Variants in ARHGEF37 observed in about 807,000 individuals in gnomAD.
ARHGEF37 encodes the protein Rho guanine nucleotide exchange factor (GEF) 37.
In ARHGEF37, 55 loss-of-function variants were observed where a neutral mutation model predicts 71.1. That is an observed-to-expected ratio of 0.77 (90% CI 0.62 to 0.97). The LOEUF (loss-of-function observed/expected upper bound fraction) is 0.97. ARHGEF37 is among the 50% of genes least tolerant of loss of function. The pLI is 0.00. For synonymous variants in ARHGEF37, 327 were observed against 350.6 expected (o/e 0.93, Z 0.75); for missense variants, 765 against 836.8 (o/e 0.91, Z 1.06).
At chr5:149,629,041 CAA>C in intron 12 of ARHGEF37, 75 bp downstream of exon 12, 1 of 1,504,492 alleles carries the variant, frequency 6.6e-7, no homozygotes, top group Non-Finnish European at 8.9e-7. Context: ...CCTTCTCTCT[CAA>C]AGTCTATGCC....
At chr5:149,570,274 T>C (rs1762946511) in intron 1 of ARHGEF37, among the ~76,000 whole-genome samples, 1 of 152,124 alleles carries the variant, frequency 6.6e-6, no homozygotes, top group Non-Finnish European at 1.5e-5. Context: ...AAAATTAAAA[T>C]TAAAGTTTAA....
rs538811387 is a variant in ARHGEF37 at position 149,560,184 on chromosome 5, C to T, written c.-12+8061C>T. 3.3e-5 allele frequency among the ~76,000 whole-genome samples: 5 copies of T among 152,268 alleles called. No homozygotes were observed. The South Asian group carries it at 6.2e-4, about 19-fold the overall frequency. The stretch of plus-strand genomic sequence containing the variant: ...AGGCTGGAGTGCAATGGCATGATCT[C>T]GGCTCACCACAGCTTCTGCTTCCCA... On this transcript the variant is annotated intron_variant, in intron 1 of 2. Coordinates refer to the ARHGEF37 transcript ENST00000505810.
intron 3 of ARHGEF37, among the ~76,000 whole-genome samples, chr5:149,603,863 G>A (rs1320314366): frequency 1.3e-5 from 2 of 152,204 alleles, no homozygotes; most frequent in African/African-American, 4.8e-5. Flanking sequence ...TTGAACCCGG[G>A]AGGCGGAGGT....
At chr5:149,586,583 ACCACT>A (rs1350993192) in intron 1 of ARHGEF37, among the ~76,000 whole-genome samples, 2 of 152,198 alleles carry the variant, frequency 1.3e-5, no homozygotes, top group African/African-American at 4.8e-5. Flanking sequence ...TTTTTGAAAG[ACCACT>A]CCACTCTGAT....
intron 5 of ARHGEF37, among the ~76,000 whole-genome samples, chr5:149,617,238 G>A (rs2113362729): frequency 6.6e-6 from 1 of 152,272 alleles, no homozygotes; most frequent in African/African-American, 2.4e-5. Flanking sequence ...CAGGGGTTTG[G>A]AATTATATAA....
At chr5:149,588,422 A>AAGT (rs1486618478) in intron 1 of ARHGEF37, among the ~76,000 whole-genome samples, 1 of 151,602 alleles carries the variant, frequency 6.6e-6, no homozygotes, top group Non-Finnish European at 1.5e-5. Flanking sequence ...TCAGCCACCC[A>AAGT]AGTAGCTGAG....
At chr5:149,619,075 T>G (rs766377123) in intron 7 of ARHGEF37, 33 bp downstream of exon 7, 9 of 1,588,682 alleles carry the variant, frequency 5.7e-6, no homozygotes, top group Non-Finnish European at 7.8e-6. Context: ...AAAGGGCGAG[T>G]CTGGGCTGGG....
At chr5:149,560,654 G>T (rs1291194405) in intron 1 of ARHGEF37, among the ~76,000 whole-genome samples, 1 of 152,110 alleles carries the variant, frequency 6.6e-6, no homozygotes, top group Non-Finnish European at 1.5e-5. Context: ...TGGGTGCGGT[G>T]GCTCATGCCT....
rs1752385892 is a variant in ARHGEF37 at position 149,616,561 on chromosome 5, C to A, written c.459-6C>A. 1.2e-6 allele frequency: 2 copies of A among 1,602,014 alleles called. No homozygotes were observed. The highest frequency in any genetic ancestry group is 2.2e-5 in the East Asian group (1 of 44,724). ...TTACCTGCCTAATACCAGCCTTCTC[C>A]CTCAGGCCGCAAGCTGGATCTTCAG... On this transcript the variant is annotated splice_region_variant and splice_polypyrimidine_tract_variant and intron_variant, in intron 4 of 12. Transcript: ENST00000333677.
intron 4 of ARHGEF37, among the ~76,000 whole-genome samples, chr5:149,615,917 C>T (rs552210147): frequency 2.0e-5 from 3 of 151,976 alleles, no homozygotes; most frequent in African/African-American, 2.4e-5. Flanking sequence ...CAAAAAAACA[C>T]GAACATTTCT....
intron 12 of ARHGEF37, among the ~76,000 whole-genome samples, chr5:149,630,615 C>T (rs11958474): frequency 1.8e-4 from 27 of 152,100 alleles, no homozygotes; most frequent in Admixed American, 3.3e-4. Context: ...CAGAGCCCCA[C>T]GGGAGGGCCT....
intron 1 of ARHGEF37, among the ~76,000 whole-genome samples, chr5:149,590,282 C>CT (rs201826189): frequency 0.35 from 48,968 of 139,026 alleles, 9,998 homozygotes; most frequent in African/African-American, 0.57. Context: ...GATCATTCAA[C>CT]TTTTTTTTTT....
intron 3 of ARHGEF37, among the ~76,000 whole-genome samples, chr5:149,601,453 G>A (rs918228654): frequency 6.6e-6 from 1 of 152,188 alleles, no homozygotes; most frequent in East Asian, 1.9e-4. Flanking sequence ...GAGACAGAGA[G>A]GAACATGCTT....
At chr5:149,626,395 T>C (rs1752686234) in intron 10 of ARHGEF37, among the ~76,000 whole-genome samples, 1 of 152,220 alleles carries the variant, frequency 6.6e-6, no homozygotes, top group South Asian at 2.1e-4. Context: ...GATACTCTTC[T>C]GGAAGCAGTA....
chr5:149,589,472 C>T (rs1318899857), intron 1 of ARHGEF37, among the ~76,000 whole-genome samples: 1 of 152,038 alleles, frequency 6.6e-6, no homozygotes, highest in Non-Finnish European at 1.5e-5. Context: ...GGACTACAGG[C>T]ATGCACCACC....
chr5:149,619,111 CCCAGCCTACAAGCTGGGAAAGGCA>C, intron 7 of ARHGEF37, 69 bp downstream of exon 7: 2 of 1,311,582 alleles, frequency 1.5e-6, no homozygotes, highest in South Asian at 2.4e-5. Context: ...GCTTGCAGGG[CCCAGCCTACAAGCTGGGAAAGGCA>C]CCAGCCTCAG....
chr5:149,572,784 A>G (rs1762982927), intron 1 of ARHGEF37, among the ~76,000 whole-genome samples: 1 of 152,208 alleles, frequency 6.6e-6, no homozygotes, highest in South Asian at 2.1e-4. Context: ...GAATTCTGCC[A>G]AACTGATTGT....
At chr5:149,585,205 G>A (rs1763198684) in intron 1 of ARHGEF37, among the ~76,000 whole-genome samples, 1 of 152,186 alleles carries the variant, frequency 6.6e-6, no homozygotes. Context: ...TGGTTGCAAT[G>A]TAAAATGGTA....
At chr5:149,598,263 C>CTCCTCTTCTTCTTCTTCTTCT (rs71587782) in intron 2 of ARHGEF37, among the ~76,000 whole-genome samples, 48 of 67,752 alleles carry the variant, frequency 7.1e-4, no homozygotes, top group East Asian at 2.1e-3. Flanking sequence ...CTTAAACTGA[C>CTCCTCTTCTTCTTCTTCTTCT]TCTTCTTCTT....
Sources: gnomAD v4.1 joint callset for allele counts (sites outside exome capture counted in the v4.1 genomes callset) on GRCh38, gnomAD v4.1.1 for gene constraint, MANE v1.5 for transcripts, NCBI Gene and HGNC (gene_info 2026-07-23, HGNC 2026-07-21) for gene names.